Variants in GUCY1A1 observed in about 807,000 individuals in gnomAD.
GUCY1A1 encodes the protein guanylate cyclase 1 soluble subunit alpha 1.
In GUCY1A1, 48 loss-of-function variants were observed where a neutral mutation model predicts 64.5. The ratio of observed to expected loss-of-function variants is 0.74; its 90% CI spans 0.59 to 0.95. The LOEUF is 0.95. Among genes scored for constraint, GUCY1A1 ranks in the 40% least tolerant of loss-of-function variants. The pLI is 0.00. For missense variants in GUCY1A1, 804 were observed against 825.3 expected (o/e 0.97, Z 0.32); for synonymous variants, 308 against 303.4 (o/e 1.02, Z -0.16).
At chr4:155,726,466 G>C (rs1183344823) in intron 9 of GUCY1A1, among the ~76,000 whole-genome samples, 2 of 151,824 alleles carry the variant, frequency 1.3e-5, no homozygotes, top group Non-Finnish European at 2.9e-5. Flanking sequence ...TGCTAAAGAA[G>C]GTGTACAAGC....
chr4:155,690,788 C>A (rs1444757829), intron 2 of GUCY1A1, among the ~76,000 whole-genome samples: 2 of 152,192 alleles, frequency 1.3e-5, no homozygotes, highest in African/African-American at 2.4e-5. Flanking sequence ...ACCCTTGGAA[C>A]TGATACATCA....
chr4:155,706,432 C>T (rs779901264), intron 4 of GUCY1A1, among the ~76,000 whole-genome samples: 5 of 151,994 alleles, frequency 3.3e-5, no homozygotes, highest in African/African-American at 9.7e-5. Flanking sequence ...TTTTGTGCTG[C>T]TTATTCTCTT....
At chr4:155,684,671 C>T (rs1007474367) in intron 2 of GUCY1A1, among the ~76,000 whole-genome samples, 2 of 152,112 alleles carry the variant, frequency 1.3e-5, no homozygotes, top group African/African-American at 4.8e-5. Flanking sequence ...CTCTGAGAAA[C>T]GTACTTTGCC....
chr4:155,685,609 T>G (rs73858159), intron 2 of GUCY1A1, among the ~76,000 whole-genome samples: 3 of 131,370 alleles, frequency 2.3e-5, no homozygotes, highest in East Asian at 2.0e-4. Flanking sequence ...TTGTGTTTTT[T>G]TTTTTTTTTT....
chr4:155,718,973 T>C (rs879724428), intron 8 of GUCY1A1, among the ~76,000 whole-genome samples: 12 of 152,192 alleles, frequency 7.9e-5, no homozygotes, highest in Non-Finnish European at 1.5e-4. Context: ...TATTTCTTTC[T>C]CTTTCTAATT....
intron 2 of GUCY1A1, among the ~76,000 whole-genome samples, chr4:155,694,116 C>T (rs1035241816): frequency 8.5e-5 from 13 of 152,216 alleles, no homozygotes; most frequent in Admixed American, 7.8e-4. Flanking sequence ...TTTGATATAA[C>T]TGAAATAGTG....
Position 155,710,970 on chromosome 4 carries a change from A to T in GUCY1A1, c.805A>T (p.Ser269Cys). 1 of 1,613,422 alleles carries T rather than the reference A, an allele frequency of 6.2e-7. No individual in the cohort carries two copies. The highest frequency in any genetic ancestry group is 8.5e-7 in the Non-Finnish European group (1 of 1,179,316). The change falls in exon 6 of 10, where the codon AGC becomes TGC. Residue 269 changes from serine (S) to cysteine (C), a missense_variant. Ser to Cys is a moderately radical substitution (Grantham distance 112). Coordinates refer to ENST00000506455, the MANE Select transcript of GUCY1A1 (RefSeq NM_001130682.3). ...MKSTKPSLSP[S>C]KPQSSLVIPT... is the part of the protein sequence containing the mutation. ...AAGCACCAAGCCATCCCTGTCCCCCAGCAAACCCCAGTCCTCGCTGGTGAT... is the reference window on the plus strand; with the variant it reads ...AAGCACCAAGCCATCCCTGTCCCCCTGCAAACCCCAGTCCTCGCTGGTGAT...
At chr4:155,678,466 C>T (rs1735263222) in intron 2 of GUCY1A1, among the ~76,000 whole-genome samples, 1 of 152,162 alleles carries the variant, frequency 6.6e-6, no homozygotes, top group Admixed American at 6.5e-5. Context: ...GTACATTTTA[C>T]ATTCCAAGCA....
chr4:155,704,328 T>A (rs547278989), intron 4 of GUCY1A1, among the ~76,000 whole-genome samples: 126 of 152,318 alleles, frequency 8.3e-4, no homozygotes, highest in African/African-American at 2.9e-3. Flanking sequence ...TAAGGCCGAT[T>A]CTTTTGTACT....
rs1736060524 is a variant in GUCY1A1, at chr4:155,736,411, G to A, written c.*6180G>A. 6.6e-6 allele frequency: 1 copy of A among 151,944 alleles called. No homozygotes were observed. The highest frequency in any genetic ancestry group is 2.4e-5 in the African/African-American group (1 of 41,396). The allele number at this position is 151,944 out of a possible 1,614,324, so 9.4% of individuals were successfully genotyped here. A position where few individuals can be genotyped will look rare whatever the true frequency, so the allele number is the denominator to read the frequency against. ...GCATATGGCCCCATACAAGACACAT[G>A]TACTGCCAGAGCTTGGGGAACTCCC... On this transcript the variant is annotated 3_prime_UTR_variant, in exon 10 of 10. Coordinates refer to ENST00000506455, the MANE Select transcript of GUCY1A1 (RefSeq NM_001130682.3).
intron 2 of GUCY1A1, among the ~76,000 whole-genome samples, chr4:155,690,242 G>T (rs915043439): frequency 3.3e-5 from 5 of 152,114 alleles, no homozygotes; most frequent in Admixed American, 3.3e-4. Flanking sequence ...GAGAAGTAAA[G>T]TCAGAGGAAT....
chr4:155,709,613 C>A lies in GUCY1A1; in HGVS notation c.377-929C>A, dbSNP rs188615299. ...CTTTAGGAGGCCGAGGTGGGCAGAT[C>A]ACCTGAGGTCAGGAGTTCAAGACCA... On this transcript the variant is annotated intron_variant, in intron 5 of 9. Transcript: ENST00000506455. 3.3e-3 allele frequency among the ~76,000 whole-genome samples: 500 copies of A among 152,242 alleles called. 2 individuals carry two copies. The highest frequency in any genetic ancestry group is 0.012 in the African/African-American group (481 of 41,540).
intron 7 of GUCY1A1, 24 bp from the exon 8 acceptor site, chr4:155,717,135 G>C: frequency 3.7e-6 from 5 of 1,362,680 alleles, no homozygotes; most frequent in Non-Finnish European, 4.8e-6. Context: ...TTTATTTATA[G>C]TATGGAAAAT....
chr4:155,671,530 GT>G (rs1734141524), intron 2 of GUCY1A1, among the ~76,000 whole-genome samples: 1 of 151,966 alleles, frequency 6.6e-6, no homozygotes, highest in Admixed American at 6.6e-5. Context: ...ATTTTTCCAG[GT>G]TTTCTAGTCT....
chr4:155,697,252 AAC>A, intron 3 of GUCY1A1, 130 bp downstream of exon 3: 1 of 688,222 alleles, frequency 1.5e-6, no homozygotes, highest in Non-Finnish European at 2.5e-6. Context: ...ATTTTCTTGA[AAC>A]ACATAAAAAT....
chr4:155,697,538 C>T (rs139037275), intron 3 of GUCY1A1, among the ~76,000 whole-genome samples: 266 of 152,298 alleles, frequency 1.7e-3, no homozygotes, highest in African/African-American at 5.9e-3. Flanking sequence ...AAATTAAATT[C>T]TTCAAAGAAT....
In GUCY1A1 at chr4:155,733,531, A is replaced by G. The variant is rs537803138; in HGVS notation, c.*3300A>G. Among the ~76,000 whole-genome samples the G allele has an allele frequency of 6.4e-4, 97 of 151,902 alleles. 2 individuals carry two copies. In the South Asian group the frequency reaches 0.02, roughly 31 times the overall value. On this transcript the variant is annotated 3_prime_UTR_variant, in exon 10 of 10. Coordinates refer to ENST00000506455, the MANE Select transcript of GUCY1A1 (RefSeq NM_001130682.3). Reference sequence around the variant, plus strand: ...TATTGCTATTGTAATATTAATATATAGTAATTAACTACACATGACACAGCT... The same window carrying G: ...TATTGCTATTGTAATATTAATATATGGTAATTAACTACACATGACACAGCT...
chr4:155,701,307 T>C (rs115317662), intron 3 of GUCY1A1, among the ~76,000 whole-genome samples: 1,965 of 152,272 alleles, frequency 0.013, 37 homozygotes, highest in African/African-American at 0.041. Flanking sequence ...TTTATTCCTT[T>C]TTTTCTTTAG....
Position 155,711,005 on chromosome 4 carries a change from G to A in GUCY1A1, c.840G>A (p.Ser280=), listed in dbSNP as rs781161276. 5.0e-6 allele frequency: 8 copies of A among 1,613,710 alleles called. No homozygotes were observed. Among genetic ancestry groups the A allele is most frequent in the Non-Finnish European group, 5.9e-6 (7 of 1,179,764 alleles). Residue 280 remains serine, a synonymous_variant, in exon 6 of 10, where the codon TCG becomes TCA. Transcript: ENST00000506455. ...AGTCCTCGCTGGTGATTCCCACATC[G>A]CTATTCTGCAAGACATTTCCATTCC... ...KPQSSLVIPT[S]LFCKTFPFHF...
Sources: allele counts gnomAD v4.1 joint callset (sites outside exome capture counted in the v4.1 genomes callset), GRCh38; gene constraint gnomAD v4.1.1; transcripts MANE v1.5; gene names NCBI Gene and HGNC (gene_info 2026-07-23, HGNC 2026-07-21).